The following NLGN1 variants were observed in gnomAD, a reference collection of about 807,000 sequenced individuals.
NLGN1 encodes neuroligin-1.
A neutral mutation model predicts 65.5 loss-of-function variants in NLGN1; 12 were observed. The observed-to-expected ratio is 0.18, with a 90% CI of 0.12 to 0.30. The LOEUF (loss-of-function observed/expected upper bound fraction) is 0.30. NLGN1 is among the 10% of genes least tolerant of loss of function. The pLI is 1.00. For synonymous variants in NLGN1, 350 were observed against 359.5 expected, an observed-to-expected ratio of 0.97 and a Z score of 0.30; for missense variants, 750 against 1,007.1, an observed-to-expected ratio of 0.74 and a Z score of 3.46.
At chr3:174,270,597 T>C (rs1012809056) in intron 4 of NLGN1, among the ~76,000 whole-genome samples, 1 of 151,858 alleles carries the variant, frequency 6.6e-6, no homozygotes, top group Non-Finnish European at 1.5e-5. Context: ...ATATTTTTCA[T>C]AGGTGAGTAG....
At position 174,037,054 on chromosome 3, in the gene NLGN1, A is replaced by G. The variant is rs111653844; in HGVS notation, c.646+229222A>G. Among the ~76,000 whole-genome samples, 459 of 152,274 alleles carry G rather than the reference A, an allele frequency of 3.0e-3. 3 individuals carry two copies. The highest frequency in any genetic ancestry group is 8.8e-3 in the African/African-American group (367 of 41,566). On this transcript the variant is annotated intron_variant, in intron 4 of 6. Coordinates refer to ENST00000457714, the Ensembl canonical transcript of NLGN1. Reference sequence around the variant, plus strand: ...CTTTGCTGTCGTAAATAGTGCTTCAATGAACATACGTGTGCATGTCTCTTC... The same window carrying G: ...CTTTGCTGTCGTAAATAGTGCTTCAGTGAACATACGTGTGCATGTCTCTTC...
At chr3:174,251,935 A>G (rs1031939854) in intron 4 of NLGN1, among the ~76,000 whole-genome samples, 29 of 152,182 alleles carry the variant, frequency 1.9e-4, no homozygotes, top group Admixed American at 1.9e-3. Flanking sequence ...TAAGCTACGT[A>G]GATATTTCAG....
chr3:173,882,251 A>G (rs1226877189), intron 4 of NLGN1, among the ~76,000 whole-genome samples: 1 of 152,088 alleles, frequency 6.6e-6, no homozygotes, highest in Non-Finnish European at 1.5e-5. Context: ...GGCAGAGTAG[A>G]TTTTTCATGA....
intron 4 of NLGN1, among the ~76,000 whole-genome samples, chr3:174,208,869 T>G (rs1338028496): frequency 6.6e-6 from 1 of 152,122 alleles, no homozygotes; most frequent in East Asian, 1.9e-4. Flanking sequence ...TGTAACGTGG[T>G]GATATAGGCA....
intron 4 of NLGN1, among the ~76,000 whole-genome samples, chr3:173,848,844 A>T (rs1002992586): frequency 2.4e-4 from 36 of 152,198 alleles, no homozygotes; most frequent in African/African-American, 8.2e-4. Context: ...TCTGACTATT[A>T]CAAAATTAAA....
intron 4 of NLGN1, among the ~76,000 whole-genome samples, chr3:173,857,861 C>A (rs1728295858): frequency 7.2e-6 from 1 of 139,642 alleles, no homozygotes; most frequent in Non-Finnish European, 1.5e-5. Flanking sequence ...TATACAAAAC[C>A]ATTTCTCTTC....
At chr3:174,131,478 T>C (rs1441725151) in intron 4 of NLGN1, among the ~76,000 whole-genome samples, 1 of 152,206 alleles carries the variant, frequency 6.6e-6, no homozygotes, top group African/African-American at 2.4e-5. Context: ...CACAAAGTTT[T>C]TTCTACATTA....
chr3:174,066,948 T>A (rs1386053676), intron 4 of NLGN1, among the ~76,000 whole-genome samples: 1 of 152,120 alleles, frequency 6.6e-6, no homozygotes, highest in Non-Finnish European at 1.5e-5. Flanking sequence ...ATGCTCTTGG[T>A]GATAAAAAAT....
At chr3:174,057,436 A>T (rs1207288878) in intron 4 of NLGN1, among the ~76,000 whole-genome samples, 1 of 152,084 alleles carries the variant, frequency 6.6e-6, no homozygotes, top group African/African-American at 2.4e-5. Flanking sequence ...GGGTGACTAG[A>T]CAGAAAGGTG....
At chr3:173,406,623 A>G (rs1471120382) in intron 1 of NLGN1, among the ~76,000 whole-genome samples, 4 of 151,058 alleles carry the variant, frequency 2.6e-5, no homozygotes, top group Non-Finnish European at 5.9e-5. Context: ...AGAGAAGCCT[A>G]TAGTTGGACC....
intron 3 of NLGN1, among the ~76,000 whole-genome samples, chr3:173,778,556 C>T (rs1780662557): frequency 6.6e-6 from 1 of 151,718 alleles, no homozygotes; most frequent in South Asian, 2.1e-4. Flanking sequence ...TGAATTTTTG[C>T]CATTATTATA....
rs142257685 is a variant in NLGN1, at chr3:174,144,568, C to A, written c.647-130747C>A. Reference sequence around the variant, plus strand: ...GCATTCCTATTTCTCCACATCCTCTCCAGCATCCTTTGTTTCCTGACTTTT... The same window carrying A: ...GCATTCCTATTTCTCCACATCCTCTACAGCATCCTTTGTTTCCTGACTTTT... On this transcript the variant is annotated intron_variant, in intron 4 of 6. Coordinates refer to ENST00000457714, the Ensembl canonical transcript of NLGN1. 9.4e-3 allele frequency among the ~76,000 whole-genome samples: 1,436 copies of A among 152,310 alleles called. 17 individuals are homozygous for A. Among genetic ancestry groups the A allele is most frequent in the African/African-American group, 0.033 (1,356 of 41,562 alleles).
chr3:173,809,454 G>A (rs1369307606), intron 4 of NLGN1, among the ~76,000 whole-genome samples: 2 of 152,208 alleles, frequency 1.3e-5, no homozygotes, highest in East Asian at 3.9e-4. Context: ...TAATTTTTAA[G>A]TTGAAAATCC....
rs182081752 is a variant in NLGN1 at position 173,881,638 on chromosome 3, G to A, written c.646+73806G>A. 2.2e-3 allele frequency among the ~76,000 whole-genome samples: 329 copies of A among 149,018 alleles called. 2 individuals carry two copies. The highest frequency in any genetic ancestry group is 7.9e-3 in the African/African-American group (317 of 40,268). On this transcript the variant is annotated intron_variant, in intron 4 of 6. Coordinates refer to ENST00000457714, the Ensembl canonical transcript of NLGN1. Reference sequence around the variant, plus strand: ...AGACGGGGTTTCACTATTGTAGCCAGGATGGTCTCGATCTCCTGACCTCGT... The same window carrying A: ...AGACGGGGTTTCACTATTGTAGCCAAGATGGTCTCGATCTCCTGACCTCGT...
In NLGN1 at chr3:174,280,650, T is replaced by G. The variant is rs1751383874; in HGVS notation, c.1819T>G (p.Leu607Val). The G allele has an allele frequency of 6.2e-7, 1 of 1,613,320 alleles. No homozygotes were observed. Among genetic ancestry groups the G allele is most frequent in the African/African-American group, 1.3e-5 (1 of 74,936 alleles). ...CAGAGCCAATAAGGTGAACCTCTGG[T>G]TGGAGTTGGTACCTCATCTGCATAA... Residue 607 changes from leucine to valine, a missense_variant, in exon 7 of 7, where the codon TTG (leucine) becomes GTG (valine). Transcript: ENST00000457714. This position sits in a 1 kb window ranked among gnomAD's most constrained non-coding sequence, Gnocchi z 4.9.
chr3:173,631,527 T>C (rs1755685402), intron 3 of NLGN1, among the ~76,000 whole-genome samples: 1 of 152,172 alleles, frequency 6.6e-6, no homozygotes, highest in Admixed American at 6.5e-5. Flanking sequence ...AAACAGAGGC[T>C]ACCAGGAGTA....
At chr3:173,894,030 A>G (rs1735876483) in intron 4 of NLGN1, among the ~76,000 whole-genome samples, 1 of 152,130 alleles carries the variant, frequency 6.6e-6, no homozygotes, top group South Asian at 2.1e-4. Flanking sequence ...TCACTATTTC[A>G]AATCCCATGA....
At chr3:173,829,254 A>G (rs140914826) in intron 4 of NLGN1, among the ~76,000 whole-genome samples, 4 of 152,136 alleles carry the variant, frequency 2.6e-5, no homozygotes, top group Non-Finnish European at 4.4e-5. Context: ...GTTAGGGTAG[A>G]TTAAATTTGA....
chr3:174,056,577 G>C (rs982176273), intron 4 of NLGN1, among the ~76,000 whole-genome samples: 2 of 151,950 alleles, frequency 1.3e-5, no homozygotes, highest in African/African-American at 4.8e-5. Context: ...TCCAAAGTTT[G>C]TATCATGGAA....
Sources: allele counts gnomAD v4.1 joint callset (sites outside exome capture counted in the v4.1 genomes callset), GRCh38; gene constraint gnomAD v4.1.1; non-coding constraint Gnocchi (gnomAD v3.1); transcripts MANE v1.5; gene names NCBI Gene and HGNC (gene_info 2026-07-23, HGNC 2026-07-21).